Variants in PPP1CB observed in about 807,000 individuals in gnomAD.
The protein encoded by PPP1CB is serine/threonine-protein phosphatase PP1-beta catalytic subunit.
Under a neutral mutation model 43.7 loss-of-function variants are expected in PPP1CB, and 2 were observed. The ratio of observed to expected loss-of-function variants is 0.05; its 90% CI spans 0.02 to 0.14. The LOEUF (loss-of-function observed/expected upper bound fraction) is 0.14, where lower values mean the gene tolerates loss of function less well. PPP1CB is among the 10% of genes least tolerant of loss of function. The pLI, the probability that PPP1CB is intolerant of heterozygous loss-of-function variation, is 1.00. For synonymous variants in PPP1CB, 136 were observed against 135.6 expected (o/e 1.00, Z -0.02); for missense variants, 84 against 398.0 (o/e 0.21, Z 6.71).
At chr2:28,755,447 G>A (rs907364763) in intron 1 of PPP1CB, among the ~76,000 whole-genome samples, 52 of 152,056 alleles carry the variant, frequency 3.4e-4, no homozygotes, top group African/African-American at 1.2e-3. Context: ...ATATTCTTTC[G>A]GTATGTTTTC....
At chr2:28,787,095 C>T (rs1667284399) in intron 5 of PPP1CB, among the ~76,000 whole-genome samples, 1 of 152,152 alleles carries the variant, frequency 6.6e-6, no homozygotes, top group African/African-American at 2.4e-5. Flanking sequence ...TGAAGATGCC[C>T]TTTCCTCCTA....
chr2:28,786,206 C>G (rs1667262920), intron 5 of PPP1CB, among the ~76,000 whole-genome samples: 1 of 152,086 alleles, frequency 6.6e-6, no homozygotes. Flanking sequence ...CTCCACCTCC[C>G]AGGTTCAAGC....
chr2:28,800,915 TATTTC>T lies in PPP1CB; in HGVS notation c.*1617_*1621del, dbSNP rs531806215. ...ACATTGTATTACTTACTGCAAGAGATATTTCATTTTCAGCACAGTGCAAAAGTTCT... is the reference window on the plus strand; with the variant it reads ...ACATTGTATTACTTACTGCAAGAGATATTTTCAGCACAGTGCAAAAGTTCT... On this transcript the variant is annotated 3_prime_UTR_variant, in exon 8 of 8. Coordinates refer to ENST00000395366, the MANE Select transcript of PPP1CB (RefSeq NM_002709.3). The T allele has an allele frequency of 2.4e-4, 37 of 152,694 alleles. No individual in the cohort carries two copies. Among genetic ancestry groups the T allele is most frequent in the African/African-American group, 7.9e-4 (33 of 41,592 alleles). 9.5% of individuals were successfully genotyped at this position (152,694 alleles called of 1,614,324 possible). A position where few individuals can be genotyped will look rare whatever the true frequency, so the allele number is the denominator to read the frequency against.
rs1667621256 is a variant in PPP1CB at position 28,801,718 on chromosome 2, G to GAT, written c.*2416_*2417dup. On this transcript the variant is annotated 3_prime_UTR_variant, in exon 8 of 8. Coordinates refer to ENST00000395366, the MANE Select transcript of PPP1CB (RefSeq NM_002709.3). ...TTCCTCTGATTTTTTTCAGGTTAGT[G>GAT]ATTTTTTTGTATACAATTTAATCCA... The GAT allele has an allele frequency of 6.6e-6, 1 of 152,040 alleles. No individual in the cohort carries two copies. The highest frequency in any genetic ancestry group is 2.1e-4 in the South Asian group (1 of 4,830). The allele number at this position is 152,040 out of a possible 1,614,324, so 9.4% of individuals were successfully genotyped here.
At chr2:28,793,805 A>C (rs1419572225) in intron 6 of PPP1CB, 58 bp from the exon 7 acceptor site, 1 of 1,597,984 alleles carries the variant, frequency 6.3e-7, no homozygotes, top group Non-Finnish European at 8.6e-7. Context: ...TAATTAGTAT[A>C]GATGGTTCAG....
chr2:28,783,311 T>C (rs1165848292), intron 4 of PPP1CB, among the ~76,000 whole-genome samples: 2 of 151,974 alleles, frequency 1.3e-5, no homozygotes, highest in Non-Finnish European at 2.9e-5. Flanking sequence ...CAGGGAATGA[T>C]TGGAAAAAAG....
intron 1 of PPP1CB, among the ~76,000 whole-genome samples, chr2:28,754,164 A>G (rs1440455935): frequency 6.6e-6 from 1 of 151,996 alleles, no homozygotes; most frequent in Non-Finnish European, 1.5e-5. Flanking sequence ...TATGTTTTAA[A>G]ATGTTTGTAT....
At chr2:28,752,305 C>A in intron 1 of PPP1CB, 129 bp downstream of exon 1, 1 of 907,686 alleles carries the variant, frequency 1.1e-6, no homozygotes, top group Non-Finnish European at 1.6e-6. Flanking sequence ...GAGCGCGGCG[C>A]GGCGGACGAA....
intron 1 of PPP1CB, among the ~76,000 whole-genome samples, chr2:28,769,606 A>G (rs1308355194): frequency 6.6e-6 from 1 of 152,262 alleles, no homozygotes; most frequent in Non-Finnish European, 1.5e-5. Flanking sequence ...AAAGAACTGC[A>G]GAAAGAAATG....
chr2:28,794,124 A>G, intron 7 of PPP1CB, 127 bp downstream of exon 7: 3 of 698,424 alleles, frequency 4.3e-6, no homozygotes, highest in Non-Finnish European at 6.9e-6. Context: ...AGTGATTACC[A>G]CTCAAACTCA....
At chr2:28,758,547 A>G (rs1008028875) in intron 1 of PPP1CB, among the ~76,000 whole-genome samples, 11 of 152,222 alleles carry the variant, frequency 7.2e-5, no homozygotes, top group Admixed American at 4.6e-4. Context: ...CACTGCTTCT[A>G]GCAGCTTTAA....
intron 1 of PPP1CB, among the ~76,000 whole-genome samples, chr2:28,763,694 T>C (rs1666712628): frequency 8.0e-6 from 1 of 124,872 alleles, no homozygotes; most frequent in African/African-American, 2.7e-5. Context: ...TTTTGGTCTC[T>C]GAATCCACGT....
intron 1 of PPP1CB, among the ~76,000 whole-genome samples, chr2:28,774,645 C>T (rs1666994318): frequency 6.6e-6 from 1 of 152,114 alleles, no homozygotes; most frequent in African/African-American, 2.4e-5. Flanking sequence ...AGGCTGGTCT[C>T]AAACTCCTGA....
chr2:28,754,148 CAG>C (rs1666422314), intron 1 of PPP1CB, among the ~76,000 whole-genome samples: 1 of 151,870 alleles, frequency 6.6e-6, no homozygotes, highest in Admixed American at 6.5e-5. Context: ...AGGCATAAAA[CAG>C]ATTTATGTTT....
At chr2:28,786,797 A>T (rs193131437) in intron 5 of PPP1CB, among the ~76,000 whole-genome samples, 1 of 149,108 alleles carries the variant, frequency 6.7e-6, no homozygotes, top group South Asian at 2.1e-4. Context: ...AAAAAAAAAG[A>T]AATTATAGAT....
intron 1 of PPP1CB, among the ~76,000 whole-genome samples, chr2:28,759,475 G>A (rs1446799082): frequency 1.7e-4 from 23 of 132,610 alleles, no homozygotes; most frequent in African/African-American, 6.5e-4. Flanking sequence ...AGCAAAGATT[G>A]CACCACTGCT....
At chr2:28,764,327 G>A (rs1465594299) in intron 1 of PPP1CB, among the ~76,000 whole-genome samples, 2 of 151,654 alleles carry the variant, frequency 1.3e-5, no homozygotes, top group South Asian at 2.1e-4. Flanking sequence ...GGGCATAGTA[G>A]CACCCACCTA....
At chr2:28,789,606 T>C (rs1030366618) in intron 6 of PPP1CB, among the ~76,000 whole-genome samples, 13 of 146,938 alleles carry the variant, frequency 8.8e-5, no homozygotes, top group African/African-American at 3.3e-4. Context: ...TTTTTTTTTT[T>C]TTTTTTTTTT....
intron 1 of PPP1CB, among the ~76,000 whole-genome samples, chr2:28,756,717 T>C (rs1320288928): frequency 6.6e-6 from 1 of 152,168 alleles, no homozygotes; most frequent in South Asian, 2.1e-4. Context: ...TGAACCCTTG[T>C]GCTCAAGCAA....
Sources: gnomAD v4.1 joint callset for allele counts (sites outside exome capture counted in the v4.1 genomes callset) on GRCh38, gnomAD v4.1.1 for gene constraint, MANE v1.5 for transcripts, NCBI Gene and HGNC (gene_info 2026-07-23, HGNC 2026-07-21) for gene names.